The following ROBO2 variants were observed in gnomAD, a reference collection of about 807,000 sequenced individuals.
The protein encoded by ROBO2 is roundabout homolog 2.
ROBO2 carries 53 observed loss-of-function variants against 160.8 expected under a neutral mutation model. That is an observed-to-expected ratio of 0.33 (90% CI 0.26 to 0.41). ROBO2 has a LOEUF of 0.41. Among genes scored for constraint, ROBO2 ranks in the 10% least tolerant of loss-of-function variants. The pLI, the probability that ROBO2 is intolerant of heterozygous loss-of-function variation, is 1.00. For synonymous variants in ROBO2, 664 were observed against 611.7 expected (o/e 1.09, Z -1.26); for missense variants, 1,577 against 1,722.4 (o/e 0.92, Z 1.49).
intron 2 of ROBO2, among the ~76,000 whole-genome samples, chr3:76,474,552 T>C (rs1261438579): frequency 6.6e-6 from 1 of 152,152 alleles, no homozygotes; most frequent in Admixed American, 6.6e-5. Flanking sequence ...TCAAGGAGCA[T>C]ATATTCAGGA....
At chr3:76,192,570 A>G (rs1019848594) in intron 2 of ROBO2, among the ~76,000 whole-genome samples, 2 of 132,912 alleles carry the variant, frequency 1.5e-5, no homozygotes, top group Non-Finnish European at 3.3e-5. Flanking sequence ...ACACACACAC[A>G]CGTCATAAAA....
chr3:76,537,396 T>G (rs2082566153), intron 2 of ROBO2, among the ~76,000 whole-genome samples: 1 of 152,030 alleles, frequency 6.6e-6, no homozygotes, highest in Admixed American at 6.6e-5. Context: ...TGCAGAAAAA[T>G]AAGACGTTTG....
chr3:77,421,641 A>T (rs895095236), intron 2 of ROBO2, among the ~76,000 whole-genome samples: 1 of 152,158 alleles, frequency 6.6e-6, no homozygotes, highest in Admixed American at 6.6e-5. Context: ...GCATTGAACT[A>T]GTGAGCATCC....
rs899779906 is a variant in ROBO2, at chr3:77,215,508, C to T, written c.388+117168C>T. On this transcript the variant is annotated intron_variant, in intron 2 of 25. Coordinates refer to ENST00000461745, the Ensembl canonical transcript of ROBO2. ...AATTTTTTTTCAAGGTTTTTAACTT[C>T]TTTGCCATGGGTTTACACTTCCTCC... is the stretch of plus-strand genomic sequence containing the variant. Among the ~76,000 whole-genome samples the T allele has an allele frequency of 5.3e-5, 8 of 152,092 alleles. No individual in the cohort carries two copies. In the East Asian group the frequency reaches 1.5e-3, roughly 29 times the overall value.
intron 2 of ROBO2, among the ~76,000 whole-genome samples, chr3:75,939,342 T>C (rs1947936193): frequency 1.3e-5 from 2 of 152,160 alleles, no homozygotes; most frequent in Admixed American, 1.3e-4. Flanking sequence ...ATATTTAAAA[T>C]ATTTGAGAAA....
rs545452979 is a variant in ROBO2 at position 77,161,403 on chromosome 3, A to T, written c.388+63063A>T. 7.9e-4 allele frequency among the ~76,000 whole-genome samples: 120 copies of T among 152,326 alleles called. 1 individual carries two copies. The highest frequency in any genetic ancestry group is 2.8e-3 in the African/African-American group (118 of 41,582). ...AGTATAGTATTAAATGTCTCTGATG[A>T]CCACTCTTCAAGCAATGTTTGGACT... On this transcript the variant is annotated intron_variant, in intron 2 of 25. Coordinates refer to ENST00000461745, the Ensembl canonical transcript of ROBO2.
intron 2 of ROBO2, among the ~76,000 whole-genome samples, chr3:75,984,498 T>G (rs1353782781): frequency 1.3e-5 from 2 of 151,510 alleles, no homozygotes; most frequent in Non-Finnish European, 1.5e-5. Flanking sequence ...GAATACTCAG[T>G]ACTATGAGAT....
intron 2 of ROBO2, among the ~76,000 whole-genome samples, chr3:76,223,683 G>A (rs902047715): frequency 6.6e-6 from 1 of 152,116 alleles, no homozygotes; most frequent in African/African-American, 2.4e-5. Context: ...AATAATCTGA[G>A]TATCAGCAAT....
chr3:77,166,845 C>A (rs2079140307), intron 2 of ROBO2, among the ~76,000 whole-genome samples: 1 of 152,182 alleles, frequency 6.6e-6, no homozygotes, highest in African/African-American at 2.4e-5. Context: ...AGGCGTGAGC[C>A]CCCGCGCCCG....
chr3:76,525,359 T>C (rs916769422), intron 2 of ROBO2, among the ~76,000 whole-genome samples: 3 of 151,972 alleles, frequency 2.0e-5, no homozygotes, highest in Non-Finnish European at 4.4e-5. Context: ...AAATAGCTTA[T>C]AAAACACATT....
intron 2 of ROBO2, among the ~76,000 whole-genome samples, chr3:76,080,227 C>T (rs2068778033): frequency 6.6e-6 from 1 of 152,212 alleles, no homozygotes; most frequent in South Asian, 2.1e-4. Context: ...CTGACCCAGG[C>T]TCAGTGCGTA....
At chr3:76,257,757 C>T (rs868692447) in intron 2 of ROBO2, among the ~76,000 whole-genome samples, 1 of 151,820 alleles carries the variant, frequency 6.6e-6, no homozygotes, top group Non-Finnish European at 1.5e-5. Context: ...ATGTGCTGAT[C>T]GCTATTGTAT....
At position 76,449,161 on chromosome 3, in the gene ROBO2, G is replaced by A. The variant is rs2077347770; in HGVS notation, c.109+511559G>A. On this transcript the variant is annotated intron_variant, in intron 2 of 26. Coordinates refer to the ROBO2 transcript ENST00000487694. ...GTCCCCTTAATAGAAAAAATGTTTTGATCTTACCAAATATATGTGTTTAAA... is the reference window on the plus strand; with the variant it reads ...GTCCCCTTAATAGAAAAAATGTTTTAATCTTACCAAATATATGTGTTTAAA... Among the ~76,000 whole-genome samples the A allele has an allele frequency of 1.3e-5, 2 of 151,968 alleles. 1 individual carries two copies. The highest frequency in any genetic ancestry group is 1.3e-4 in the Admixed American group (2 of 15,242).
At chr3:75,921,932 T>G (rs1320042269) in intron 1 of ROBO2, among the ~76,000 whole-genome samples, 1 of 152,146 alleles carries the variant, frequency 6.6e-6, no homozygotes, top group Non-Finnish European at 1.5e-5. Context: ...AGTTTCTGTA[T>G]AGTTCCCACT....
intron 2 of ROBO2, among the ~76,000 whole-genome samples, chr3:76,033,614 C>T (rs763913764): frequency 3.3e-5 from 5 of 152,090 alleles, no homozygotes; most frequent in African/African-American, 4.8e-5. Context: ...AATAAACCAC[C>T]CCAAAGCTTA....
chr3:76,941,819 C>T (rs1445315264), intron 2 of ROBO2, among the ~76,000 whole-genome samples: 6 of 152,150 alleles, frequency 3.9e-5, no homozygotes, highest in African/African-American at 1.4e-4. Context: ...AATCCAAGGC[C>T]TGATGCATAG....
intron 2 of ROBO2, among the ~76,000 whole-genome samples, chr3:76,403,700 C>G (rs9841869): frequency 0.19 from 28,037 of 151,530 alleles, 3,054 homozygotes; most frequent in African/African-American, 0.3. Context: ...GAACACAGCA[C>G]AGCCATTATT....
chr3:75,931,759 T>C (rs1947552006), intron 1 of ROBO2, among the ~76,000 whole-genome samples: 1 of 152,022 alleles, frequency 6.6e-6, no homozygotes, highest in South Asian at 2.1e-4. Flanking sequence ...GTGTATTCAG[T>C]CCCCTGCTTG....
At chr3:76,307,284 A>G (rs1046381247) in intron 2 of ROBO2, among the ~76,000 whole-genome samples, 2 of 152,180 alleles carry the variant, frequency 1.3e-5, no homozygotes, top group Non-Finnish European at 2.9e-5. Context: ...TCTGCCCTGA[A>G]TGTCCTAGCT....
Sources: gnomAD v4.1 joint callset for allele counts (sites outside exome capture counted in the v4.1 genomes callset) on GRCh38, gnomAD v4.1.1 for gene constraint, MANE v1.5 for transcripts, NCBI Gene and HGNC (gene_info 2026-07-23, HGNC 2026-07-21) for gene names.